ZC3H12D: variants seen among roughly 807,000 people sequenced by gnomAD.
ZC3H12D encodes the protein probable ribonuclease ZC3H12D.
In ZC3H12D, 11 loss-of-function variants were observed where a neutral mutation model predicts 24.2. That is an observed-to-expected ratio of 0.46 (90% CI 0.29 to 0.75). ZC3H12D has a LOEUF of 0.75. Ranked by LOEUF, ZC3H12D falls within the 30% of genes least tolerant of loss-of-function variation. ZC3H12D has a pLI of 0.11. For missense variants in ZC3H12D, 740 were observed against 767.7 expected, an observed-to-expected ratio of 0.96 and a Z score of 0.43; for synonymous variants, 333 against 341.8, an observed-to-expected ratio of 0.97 and a Z score of 0.28.
chr6:149,457,319 G>A (rs762288345), intron 3 of ZC3H12D, among the ~76,000 whole-genome samples: 2 of 152,162 alleles, frequency 1.3e-5, no homozygotes, highest in African/African-American at 2.4e-5. Flanking sequence ...TCAGCATGAC[G>A]GGGAGCCTGG....
At chr6:149,454,179 G>A (rs557662596) in intron 4 of ZC3H12D, among the ~76,000 whole-genome samples, 1 of 152,284 alleles carries the variant, frequency 6.6e-6, no homozygotes, top group East Asian at 1.9e-4. Flanking sequence ...CTCCTCCCTG[G>A]CATGGAGCCC....
At position 149,447,187 on chromosome 6, in the gene ZC3H12D, G is replaced by GA. The variant is rs1337036410; in HGVS notation, c.*3495dup. 1.3e-5 allele frequency: 2 copies of GA among 152,224 alleles called. No individual in the cohort carries two copies. Among genetic ancestry groups the GA allele is most frequent in the Non-Finnish European group, 2.9e-5 (2 of 68,080 alleles). The allele number at this position is 152,224 out of a possible 1,614,324, so 9.4% of individuals were successfully genotyped here. The stretch of plus-strand genomic sequence containing the variant: ...TGAGCCCCTCACATCCCCCCAGGTG[G>GA]AACAACACAGAACTGCGGCTGCTGA... On this transcript the variant is annotated 3_prime_UTR_variant, in exon 6 of 6. Coordinates refer to ENST00000409806, the MANE Select transcript of ZC3H12D (RefSeq NM_207360.3).
In ZC3H12D at chr6:149,450,078, G is replaced by A. The variant is rs1386421109; in HGVS notation, c.*605C>T. The A allele has an allele frequency of 6.6e-6, 1 of 152,276 alleles. No homozygotes were observed. The allele number at this position is 152,276 out of a possible 1,614,324, so 9.4% of individuals were successfully genotyped here. A position where few individuals can be genotyped will look rare whatever the true frequency, so the allele number is the denominator to read the frequency against. ...CAGAGCACAGGAGAGCCCACACCTG[G>A]AGGCTGGGCTGCCCTTGCGGGTGGG... On this transcript the variant is annotated 3_prime_UTR_variant, in exon 6 of 6. Coordinates refer to ENST00000409806, the MANE Select transcript of ZC3H12D (RefSeq NM_207360.3).
At chr6:149,460,783 T>C (rs544482604) in intron 3 of ZC3H12D, among the ~76,000 whole-genome samples, 68 of 151,728 alleles carry the variant, frequency 4.5e-4, no homozygotes, top group African/African-American at 1.5e-3. Context: ...TGAGCTGAGA[T>C]TGTGCCGTTG....
rs1776477510 is a variant in ZC3H12D, at chr6:149,484,978, A to G, written c.-236T>C. The stretch of plus-strand genomic sequence containing the variant: ...AGCCACTAGGAGCCACTTCATGCCA[A>G]TGCTCCACTTCCTGCACGCCACAGT... On this transcript the variant is annotated 5_prime_UTR_variant, in exon 1 of 6. Coordinates refer to ENST00000409806, the MANE Select transcript of ZC3H12D (RefSeq NM_207360.3). The G allele has an allele frequency of 6.6e-6, 1 of 151,844 alleles. No individual in the cohort carries two copies. The highest frequency in any genetic ancestry group is 1.5e-5 in the Non-Finnish European group (1 of 67,970). 9.4% of individuals were successfully genotyped at this position (151,844 alleles called of 1,614,324 possible).
rs368479598 is a variant in ZC3H12D, at chr6:149,460,830, C to CA, written c.445+1000dup. Among the ~76,000 whole-genome samples the CA allele has an allele frequency of 2.6e-3, 323 of 124,934 alleles. 3 individuals carry two copies. Among genetic ancestry groups the CA allele is most frequent in the African/African-American group, 5.2e-3 (168 of 32,180 alleles). 82.0% of individuals were successfully genotyped at this position (124,934 alleles called of 152,430 possible). ...GGGCGACAAGAGTGAAACTCCATGT[C>CA]AAAAAAAAAAAAGAAAGAAAGAAAC... On this transcript the variant is annotated intron_variant, in intron 3 of 5. Coordinates refer to ENST00000409806, the MANE Select transcript of ZC3H12D (RefSeq NM_207360.3).
At chr6:149,470,902 C>T (rs936566569) in intron 2 of ZC3H12D, among the ~76,000 whole-genome samples, 3 of 152,240 alleles carry the variant, frequency 2.0e-5, no homozygotes, top group Non-Finnish European at 4.4e-5. Context: ...GCCTTGCCCT[C>T]ACTGCGGGGA....
rs978377607 is a variant in ZC3H12D at position 149,451,104 on chromosome 6, G to A, written c.1163C>T (p.Pro388Leu). The change falls in exon 6 of 6, where the codon CCG (proline) becomes CTG (leucine). Residue 388 changes from proline to leucine, a missense_variant. Transcript: ENST00000409806. ...GCTCTCCGGGCTAGGGAGGCTGAGC[G>A]GGCCTGGCACCCGGCCGCCCGCGGA... Reference protein sequence around the residue: ...WVSAGGRVPGPLSLPSPESQF... With the variant: ...WVSAGGRVPGLLSLPSPESQF... 9 of 1,363,754 alleles carry A rather than the reference G, an allele frequency of 6.6e-6. No homozygotes were observed. The African/African-American group carries it at 1.2e-4, about 19-fold the overall frequency. The allele number at this position is 1,363,754 out of a possible 1,614,324, so 84.5% of individuals were successfully genotyped here.
Position 149,450,535 on chromosome 6 carries a change from A to T in ZC3H12D, c.*148T>A. ...CCACCAGGCCCCCACAACCCCGCTC[A>T]GGAGGAGGAAGCAGGCTTCCCTGAC... On this transcript the variant is annotated 3_prime_UTR_variant, in exon 6 of 6. Coordinates refer to ENST00000409806, the MANE Select transcript of ZC3H12D (RefSeq NM_207360.3). The T allele has an allele frequency of 1.2e-6, 1 of 862,628 alleles. No homozygotes were observed. Among genetic ancestry groups the T allele is most frequent in the Non-Finnish European group, 1.7e-6 (1 of 589,714 alleles). 53.4% of individuals were successfully genotyped at this position (862,628 alleles called of 1,614,324 possible). A position where few individuals can be genotyped will look rare whatever the true frequency, so the allele number is the denominator to read the frequency against.
chr6:149,458,438 G>A (rs912585281), intron 3 of ZC3H12D, among the ~76,000 whole-genome samples: 35 of 151,906 alleles, frequency 2.3e-4, no homozygotes, highest in Admixed American at 2.3e-3. Context: ...CCCCACTGAG[G>A]ATCATTTTCA....
chr6:149,476,582 C>T (rs766095094), intron 1 of ZC3H12D, among the ~76,000 whole-genome samples: 11 of 152,108 alleles, frequency 7.2e-5, no homozygotes, highest in Middle Eastern at 3.4e-3. Context: ...CCGAGGCAGG[C>T]GTATCGCTTT....
At chr6:149,478,434 GAT>G (rs1562478500) in intron 1 of ZC3H12D, among the ~76,000 whole-genome samples, 1 of 151,940 alleles carries the variant, frequency 6.6e-6, no homozygotes, top group African/African-American at 2.4e-5. Flanking sequence ...TTTTCATGAA[GAT>G]ATGTCATTTA....
intron 1 of ZC3H12D, among the ~76,000 whole-genome samples, chr6:149,480,282 A>G (rs566593903): frequency 6.6e-6 from 1 of 152,278 alleles, no homozygotes; most frequent in Non-Finnish European, 1.5e-5. Context: ...GTTTTCAAAT[A>G]TGGTACATAT....
rs146970477 is a variant in ZC3H12D at position 149,464,587 on chromosome 6, A to G, written c.306-2617T>C. 1.3e-3 allele frequency among the ~76,000 whole-genome samples: 204 copies of G among 152,270 alleles called. 1 individual carries two copies. Among genetic ancestry groups the G allele is most frequent in the African/African-American group, 4.8e-3 (198 of 41,554 alleles). The stretch of plus-strand genomic sequence containing the variant: ...CACTGGGGAACGTTGGCACCCATCC[A>G]GGGGATTGCCTGGGTCTCCCTTCTT... On this transcript the variant is annotated intron_variant, in intron 2 of 5. Coordinates refer to ENST00000409806, the MANE Select transcript of ZC3H12D (RefSeq NM_207360.3).
At chr6:149,465,924 C>CTA (rs1554269664) in intron 2 of ZC3H12D, among the ~76,000 whole-genome samples, 1 of 151,574 alleles carries the variant, frequency 6.6e-6, no homozygotes, top group Non-Finnish European at 1.5e-5. Flanking sequence ...AACATCAAGA[C>CTA]TGTGAACAAG....
At chr6:149,462,977 T>G (rs1424406704) in intron 2 of ZC3H12D, among the ~76,000 whole-genome samples, 2 of 152,218 alleles carry the variant, frequency 1.3e-5, no homozygotes, top group African/African-American at 4.8e-5. Context: ...CTTCACCTTG[T>G]GATCGTGTGA....
At position 149,456,621 on chromosome 6, in the gene ZC3H12D, C is replaced by CCCCCCCCCCCCCCCCCCCGGGGGGA; in HGVS notation, c.680+44_680+45insTCCCCCCGGGGGGGGGGGGGGGGGG. 1.5e-6 allele frequency: 2 copies of CCCCCCCCCCCCCCCCCCCGGGGGGA among 1,297,208 alleles called. No homozygotes were observed. Among genetic ancestry groups the CCCCCCCCCCCCCCCCCCCGGGGGGA allele is most frequent in the Non-Finnish European group, 1.1e-6 (1 of 906,314 alleles). 80.4% of individuals were successfully genotyped at this position (1,297,208 alleles called of 1,614,324 possible). ...TGGCCACTGCCTCGACCCCGGCCCCCCGCCCCGCCGCCCCCCAGGGTGTCA... is the reference window on the plus strand; with the variant it reads ...TGGCCACTGCCTCGACCCCGGCCCCCCCCCCCCCCCCCCCCCCCGGGGGGACGCCCCGCCGCCCCCCAGGGTGTCA... On this transcript the variant is annotated intron_variant, in intron 4 of 5. Coordinates refer to ENST00000409806, the MANE Select transcript of ZC3H12D (RefSeq NM_207360.3). The surrounding 1 kb of genome is among the most constrained non-coding windows in gnomAD (Gnocchi z 4.3).
chr6:149,450,847 C>T lies in ZC3H12D; in HGVS notation c.1420G>A (p.Glu474Lys). ...CGAGCCCGGGCGCGCGCGTCCCCCT[C>T]GTCGTCCTCGGTCGCGTACACTGAA... ...GLSVYATEDD[E>K]GDARARARIA... is the part of the protein sequence containing the mutation. Residue 474 changes from glutamate to lysine, a missense_variant, in exon 6 of 6, where the codon GAG becomes AAG. Glu to Lys is a moderately conservative substitution (Grantham distance 56, BLOSUM62 1). Transcript: ENST00000409806. The T allele has an allele frequency of 6.5e-7, 1 of 1,544,652 alleles. No homozygotes were observed. Among genetic ancestry groups the T allele is most frequent in the Non-Finnish European group, 8.7e-7 (1 of 1,146,686 alleles).
At chr6:149,471,994 T>C (rs1776251837) in intron 2 of ZC3H12D, among the ~76,000 whole-genome samples, 1 of 152,258 alleles carries the variant, frequency 6.6e-6, no homozygotes, top group Non-Finnish European at 1.5e-5. Context: ...GAAACCATGT[T>C]TCTGAGGTTA....
Sources: gnomAD v4.1 joint callset for allele counts (sites outside exome capture counted in the v4.1 genomes callset) on GRCh38, gnomAD v4.1.1 for gene constraint, Gnocchi (gnomAD v3.1) non-coding constraint, MANE v1.5 for transcripts, NCBI Gene and HGNC (gene_info 2026-07-23, HGNC 2026-07-21) for gene names.